The following CHRM1 variants were observed in gnomAD, a reference collection of about 807,000 sequenced individuals.
CHRM1 encodes the protein cholinergic receptor muscarinic 1.
A neutral mutation model predicts 31.6 loss-of-function variants in CHRM1; 5 were observed. The ratio of observed to expected loss-of-function variants is 0.16; its 90% CI spans 0.08 to 0.33. The LOEUF (loss-of-function observed/expected upper bound fraction) is 0.33. Among genes scored for constraint, CHRM1 ranks in the 10% least tolerant of loss-of-function variants. The pLI, the probability that CHRM1 is intolerant of heterozygous loss-of-function variation, is 1.00. For synonymous variants in CHRM1, 227 were observed against 249.7 expected (o/e 0.91, Z 0.86); for missense variants, 338 against 610.3 (o/e 0.55, Z 4.70).
chr11:62,909,975 G>A lies in CHRM1; in HGVS notation c.1126C>T (p.Leu376Phe), dbSNP rs2085859434. 6.2e-7 allele frequency: 1 copy of A among 1,614,058 alleles called. No homozygotes were observed. ...ATGATGTTGTACGGTGTCCAGGTGA[G>A]GATGAAGGCCAGGAGGATGGCACTC... ...TLSAILLAFI[L>F]TWTPYNIMVL... is the part of the protein sequence containing the mutation. The change falls in exon 2 of 2, where the codon CTC becomes TTC. Residue 376 changes from leucine (L) to phenylalanine (F), a missense_variant. Coordinates refer to ENST00000306960, the MANE Select transcript of CHRM1 (RefSeq NM_000738.3).
rs2085932220 is a variant in CHRM1 at position 62,921,296 on chromosome 11, A to G, written c.-157T>C. On this transcript the variant is annotated 5_prime_UTR_variant, in exon 1 of 2. Transcript: ENST00000306960. ...GCCTGCGGCGTCTCCAGGGACCCAA[A>G]CACCTGGCTCCCAGGGGGAGCTGCG... 6.6e-6 allele frequency: 1 copy of G among 152,152 alleles called. No homozygotes were observed. Among genetic ancestry groups the G allele is most frequent in the Non-Finnish European group, 1.5e-5 (1 of 68,068 alleles). The allele number at this position is 152,152 out of a possible 1,614,324, so 9.4% of individuals were successfully genotyped here.
chr11:62,911,237 T>C (rs1228794593), intron 1 of CHRM1, 59 bp from the exon 2 acceptor site: 28 of 787,228 alleles, frequency 3.6e-5, no homozygotes, highest in Non-Finnish European at 5.5e-5. Flanking sequence ...TAGACCTTAT[T>C]GGAAGATGCT....
chr11:62,921,334 A>C lies in CHRM1; in HGVS notation c.-195T>G, dbSNP rs1326983592. The C allele has an allele frequency of 1.3e-5, 2 of 152,240 alleles. No individual in the cohort carries two copies. Among genetic ancestry groups the C allele is most frequent in the Admixed American group, 1.3e-4 (2 of 15,284 alleles). 9.4% of individuals were successfully genotyped at this position (152,240 alleles called of 1,614,324 possible). A position where few individuals can be genotyped will look rare whatever the true frequency, so the allele number is the denominator to read the frequency against. ...AGGGGGAGCTGCGCCCTGTGCTGGC[A>C]GCGGGAGAGGCACAGCCAGTGATTG... is the stretch of plus-strand genomic sequence containing the variant. On this transcript the variant is annotated 5_prime_UTR_variant, in exon 1 of 2. Coordinates refer to ENST00000306960, the MANE Select transcript of CHRM1 (RefSeq NM_000738.3).
rs1361248063 is a variant in CHRM1 at position 62,910,486 on chromosome 11, G to A, written c.615C>T (p.Cys205=). 2 of 1,614,166 alleles carry A rather than the reference G, an allele frequency of 1.2e-6. No homozygotes were observed. The highest frequency in any genetic ancestry group is 1.6e-4 in the Middle Eastern group (1 of 6,062). ...CCCGGTAGATGCGCCAGTAGAGCGT[G>A]CACATGACTGTGACAGGGAGGTAGA... ...AAFYLPVTVM[C]TLYWRIYRET... Residue 205 remains cysteine, a synonymous_variant, in exon 2 of 2, where the codon TGC becomes TGT. Coordinates refer to ENST00000306960, the MANE Select transcript of CHRM1 (RefSeq NM_000738.3). This position sits in a 1 kb window ranked among gnomAD's most constrained non-coding sequence, Gnocchi z 8.7.
Position 62,909,813 on chromosome 11 carries a change from G to C in CHRM1, c.1288C>G (p.Arg430Gly), listed in dbSNP as rs773692118. ...LCNKAFRDTFRLLLLCRWDKR... is the reference protein window; with the variant it reads ...LCNKAFRDTFGLLLLCRWDKR... ...TCCCAGCGGCAAAGCAGCAGCAGGC[G>C]AAAGGTGTCCCGGAAGGCTTTGTTG... is the stretch of plus-strand genomic sequence containing the variant. Residue 430 changes from arginine (R) to glycine (G), a missense_variant, in exon 2 of 2, where the codon CGC becomes GGC. Arg to Gly is a moderately radical substitution (Grantham distance 125). Transcript: ENST00000306960. The C allele has an allele frequency of 6.2e-7, 1 of 1,614,272 alleles. No individual in the cohort carries two copies.
intron 1 of CHRM1, 134 bp from the exon 2 acceptor site, chr11:62,911,312 C>A: frequency 1.7e-6 from 1 of 576,288 alleles, no homozygotes; most frequent in East Asian, 2.8e-5. Flanking sequence ...TTACCGGTGC[C>A]CACTCATGGT....
chr11:62,919,728 C>T (rs1332149698), intron 1 of CHRM1, among the ~76,000 whole-genome samples: 3 of 152,058 alleles, frequency 2.0e-5, no homozygotes, highest in Non-Finnish European at 4.4e-5. Context: ...GAGCTTACTG[C>T]GCCCCCTGCT....
Position 62,910,819 on chromosome 11 carries a change from G to T in CHRM1, c.282C>A (p.Gly94=). The part of the protein sequence containing the change: ...TYLLMGHWAL[G]TLACDLWLAL... The stretch of plus-strand genomic sequence containing the variant: ...CCAGCCAGAGGTCACAAGCCAGCGT[G>T]CCCAGAGCCCAGTGGCCCATGAGCA... Residue 94 remains glycine, a synonymous_variant, in exon 2 of 2, where the codon GGC becomes GGA. Transcript: ENST00000306960. This position sits in a 1 kb window ranked among gnomAD's most constrained non-coding sequence, Gnocchi z 8.7. 1 of 1,614,190 alleles carries T rather than the reference G, an allele frequency of 6.2e-7. No individual in the cohort carries two copies. The highest frequency in any genetic ancestry group is 8.5e-7 in the Non-Finnish European group (1 of 1,180,036).
chr11:62,915,971 A>C (rs373051306), intron 1 of CHRM1, among the ~76,000 whole-genome samples: 1 of 151,970 alleles, frequency 6.6e-6, no homozygotes, highest in African/African-American at 2.4e-5. Flanking sequence ...CACTACACTC[A>C]GCTAATTTTT....
chr11:62,909,943 C>A lies in CHRM1; in HGVS notation c.1158G>T (p.Leu386=). ...LTWTPYNIMV[L]VSTFCKDCVP... is the part of the protein sequence containing the mutation. Reference sequence around the variant, plus strand: ...CACAGTCCTTGCAGAAGGTGGACACCAGCACCATGATGTTGTACGGTGTCC... The same window carrying A: ...CACAGTCCTTGCAGAAGGTGGACACAAGCACCATGATGTTGTACGGTGTCC... The change falls in exon 2 of 2, where the codon CTG becomes CTT. Residue 386 remains leucine, a synonymous_variant. Coordinates refer to ENST00000306960, the MANE Select transcript of CHRM1 (RefSeq NM_000738.3). 6.2e-7 allele frequency: 1 copy of A among 1,614,182 alleles called. No individual in the cohort carries two copies. The highest frequency in any genetic ancestry group is 8.5e-7 in the Non-Finnish European group (1 of 1,180,032).
chr11:62,917,699 G>A (rs1457408622), intron 1 of CHRM1, among the ~76,000 whole-genome samples: 1 of 152,176 alleles, frequency 6.6e-6, no homozygotes, highest in African/African-American at 2.4e-5. Flanking sequence ...GAGGAAGCAA[G>A]GAGGGGCTTC....
At chr11:62,913,569 G>T (rs1304313094) in intron 1 of CHRM1, among the ~76,000 whole-genome samples, 1 of 151,970 alleles carries the variant, frequency 6.6e-6, no homozygotes, top group East Asian at 1.9e-4. Flanking sequence ...TACTCTGGAG[G>T]CTGAGGCAGG....
At position 62,909,979 on chromosome 11, in the gene CHRM1, G is replaced by A. The variant is rs2085859449; in HGVS notation, c.1122C>T (p.Phe374=). 6.2e-7 allele frequency: 1 copy of A among 1,614,176 alleles called. No individual in the cohort carries two copies. The highest frequency in any genetic ancestry group is 1.1e-5 in the South Asian group (1 of 91,088). The change falls in exon 2 of 2, where the codon TTC becomes TTT. Residue 374 remains phenylalanine, a synonymous_variant. Coordinates refer to ENST00000306960, the MANE Select transcript of CHRM1 (RefSeq NM_000738.3). ...TGTTGTACGGTGTCCAGGTGAGGATGAAGGCCAGGAGGATGGCACTCAGGG... is the reference window on the plus strand; with the variant it reads ...TGTTGTACGGTGTCCAGGTGAGGATAAAGGCCAGGAGGATGGCACTCAGGG... ...ARTLSAILLA[F]ILTWTPYNIM...
chr11:62,918,251 G>C (rs1314539866), intron 1 of CHRM1: 1 of 152,244 alleles, frequency 6.6e-6, no homozygotes, highest in Admixed American at 6.5e-5. Context: ...GAAGAGGGTG[G>C]GTCTACTGGA....
intron 1 of CHRM1, among the ~76,000 whole-genome samples, chr11:62,912,094 C>T (rs1034124743): frequency 2.0e-5 from 3 of 151,530 alleles, no homozygotes; most frequent in South Asian, 2.1e-4. Flanking sequence ...GGCAGGCCGG[C>T]GTGGTGGCTC....
Position 62,910,438 on chromosome 11 carries a change from C to T in CHRM1, c.663G>A (p.Glu221=). Reference sequence around the variant, plus strand: ...TCTCGGAGCCCTGAAGGGCTGCCAGCTCCCGTGCTCGGTTCTCTGTCTCCC... The same window carrying T: ...TCTCGGAGCCCTGAAGGGCTGCCAGTTCCCGTGCTCGGTTCTCTGTCTCCC... The part of the protein sequence containing the change: ...IYRETENRAR[E]LAALQGSETP... Residue 221 remains glutamate (E), a synonymous_variant, in exon 2 of 2, where the codon GAG becomes GAA. Transcript: ENST00000306960. The surrounding 1 kb of genome is among the most constrained non-coding windows in gnomAD (Gnocchi z 8.7). The T allele has an allele frequency of 6.2e-7, 1 of 1,613,646 alleles. No homozygotes were observed. Among genetic ancestry groups the T allele is most frequent in the South Asian group, 1.1e-5 (1 of 91,088 alleles).
Position 62,910,311 on chromosome 11 carries a change from G to A in CHRM1, c.790C>T (p.Arg264Trp), listed in dbSNP as rs781487671. 84 of 1,611,194 alleles carry A rather than the reference G, an allele frequency of 5.2e-5. 1 individual carries two copies. The highest frequency in any genetic ancestry group is 5.0e-4 in the Middle Eastern group (3 of 6,046). Residue 264 changes from arginine to tryptophan, a missense_variant, in exon 2 of 2, where the codon CGG becomes TGG. This residue lies in a region of CHRM1 where 183 missense variants were observed against 223.4 expected (regional missense o/e 0.82). Transcript: ENST00000306960. This position sits in a 1 kb window ranked among gnomAD's most constrained non-coding sequence, Gnocchi z 8.7. ...TPPGRCCRCCRAPRLLQAYSW... is the reference protein window; with the variant it reads ...TPPGRCCRCCWAPRLLQAYSW... ...TAGGCCTGCAGCAGCCTGGGGGCCC[G>A]GCAGCAGCGACAGCAGCGGCCTGGA...
chr11:62,914,669 A>G (rs1291044740), intron 1 of CHRM1, among the ~76,000 whole-genome samples: 1 of 152,194 alleles, frequency 6.6e-6, no homozygotes, highest in East Asian at 1.9e-4. Flanking sequence ...AGTAGAAGGC[A>G]TTGTCTAGTC....
chr11:62,915,348 T>C (rs1349872329), intron 1 of CHRM1, among the ~76,000 whole-genome samples: 1 of 152,072 alleles, frequency 6.6e-6, no homozygotes, highest in Admixed American at 6.6e-5. Flanking sequence ...TGGAAGTTAA[T>C]GCAAAAAAAT....
Sources: gnomAD v4.1 joint callset for allele counts (sites outside exome capture counted in the v4.1 genomes callset) on GRCh38, gnomAD v4.1.1 for gene constraint, gnomAD v4.1.1 regional missense constraint, Gnocchi (gnomAD v3.1) non-coding constraint, MANE v1.5 for transcripts, NCBI Gene and HGNC (gene_info 2026-07-23, HGNC 2026-07-21) for gene names.